CREB3L2: variants seen among roughly 807,000 people sequenced by gnomAD.
The protein encoded by CREB3L2 is cyclic AMP-responsive element-binding protein 3-like protein 2.
Under a neutral mutation model 57.2 loss-of-function variants are expected in CREB3L2, and 23 were observed. The ratio of observed to expected loss-of-function variants is 0.40; its 90% CI spans 0.29 to 0.57. The LOEUF is 0.57. Among genes scored for constraint, CREB3L2 ranks in the 20% least tolerant of loss-of-function variants. The pLI, the probability that CREB3L2 is intolerant of heterozygous loss-of-function variation, is 0.42. For missense variants in CREB3L2, 628 were observed against 634.7 expected, an observed-to-expected ratio of 0.99 and a Z score of 0.11; for synonymous variants, 268 against 265.1, an observed-to-expected ratio of 1.01 and a Z score of -0.11.
Position 137,894,821 on chromosome 7 carries a change from A to G in CREB3L2, c.1043+6533T>C, listed in dbSNP as rs573909866. ...TCTAAAGTTGGCTCTTGCTGGGGCAAGGTCCTTGAAGGAGCAAGAGGTATA... is the reference window on the plus strand; with the variant it reads ...TCTAAAGTTGGCTCTTGCTGGGGCAGGGTCCTTGAAGGAGCAAGAGGTATA... On this transcript the variant is annotated intron_variant, in intron 8 of 11. Coordinates refer to ENST00000330387, the MANE Select transcript of CREB3L2 (RefSeq NM_194071.4). Among the ~76,000 whole-genome samples the G allele has an allele frequency of 5.3e-5, 8 of 152,338 alleles. No individual in the cohort carries two copies. The South Asian group carries it at 1.7e-3, about 32-fold the overall frequency.
chr7:138,001,500 T>A lies in CREB3L2; in HGVS notation c.102+104A>T. The A allele has an allele frequency of 1.3e-6, 1 of 789,916 alleles. No individual in the cohort carries two copies. The highest frequency in any genetic ancestry group is 1.7e-5 in the South Asian group (1 of 58,502). The allele number at this position is 789,916 out of a possible 1,614,324, so 48.9% of individuals were successfully genotyped here. ...GGACCTCTTGATTCTGACCATGCCC[T>A]GCCCCAAACCCTGCCTTCCCGGGTC... On this transcript the variant is annotated intron_variant, in intron 1 of 11. Coordinates refer to ENST00000330387, the MANE Select transcript of CREB3L2 (RefSeq NM_194071.4). This position sits in a 1 kb window ranked among gnomAD's most constrained non-coding sequence, Gnocchi z 4.2.
At chr7:137,929,729 T>C (rs1180726056) in intron 1 of CREB3L2, among the ~76,000 whole-genome samples, 9 of 146,768 alleles carry the variant, frequency 6.1e-5, no homozygotes, top group Admixed American at 1.4e-4. Context: ...ATTAGCTGGG[T>C]GTGGTGGCAG....
rs368383075 is a variant in CREB3L2 at position 137,934,061 on chromosome 7, G to A, written c.103-5695C>T. 4.6e-5 allele frequency among the ~76,000 whole-genome samples: 7 copies of A among 152,314 alleles called. No individual in the cohort carries two copies. In the East Asian group the frequency reaches 9.6e-4, roughly 21 times the overall value. ...GGGATTTTAGTTTAATTCCTTCAAAGGCAATGGCATAATAACATTTTAGCA... is the reference window on the plus strand; with the variant it reads ...GGGATTTTAGTTTAATTCCTTCAAAAGCAATGGCATAATAACATTTTAGCA... On this transcript the variant is annotated intron_variant, in intron 1 of 11. Transcript: ENST00000330387.
In CREB3L2 at chr7:137,880,499, T is replaced by C. The variant is rs748709574; in HGVS notation, c.1540A>G (p.Arg514Gly). ...CTTTAGAAAGTGGTGTTCACTCTTC[T>C]GTCGAGTTCTACAACTTTTAGTGTT... ...NETLKVVELDRRVNTTF is the reference protein window; with the variant it reads ...NETLKVVELDGRVNTTF The change falls in exon 12 of 12, where the codon AGA becomes GGA. Residue 514 changes from arginine (R) to glycine (G), a missense_variant. Physicochemically the swap from Arg to Gly is moderately radical, Grantham distance 125. Transcript: ENST00000330387. The surrounding 1 kb of genome is among the most constrained non-coding windows in gnomAD (Gnocchi z 4.0). The C allele has an allele frequency of 1.2e-6, 2 of 1,613,702 alleles. No individual in the cohort carries two copies. Among genetic ancestry groups the C allele is most frequent in the Non-Finnish European group, 1.7e-6 (2 of 1,179,834 alleles).
At chr7:137,992,437 T>A (rs901989442) in intron 1 of CREB3L2, among the ~76,000 whole-genome samples, 1 of 152,042 alleles carries the variant, frequency 6.6e-6, no homozygotes, top group Non-Finnish European at 1.5e-5. Flanking sequence ...CTGAGATAAA[T>A]GGGTGCAGCG....
At position 137,877,944 on chromosome 7, in the gene CREB3L2, T is replaced by A. The variant is rs1799195073; in HGVS notation, c.*2532A>T. ...TCCTCCTAAAGGGACAACTGTTAGT[T>A]CCTTTAACCCACTCAAGCAAGGAGT... On this transcript the variant is annotated 3_prime_UTR_variant, in exon 12 of 12. Transcript: ENST00000330387. 2 of 227,884 alleles carry A rather than the reference T, an allele frequency of 8.8e-6. No homozygotes were observed. Among genetic ancestry groups the A allele is most frequent in the Non-Finnish European group, 1.7e-5 (2 of 114,906 alleles). The allele number at this position is 227,884 out of a possible 1,614,324, so 14.1% of individuals were successfully genotyped here. A position where few individuals can be genotyped will look rare whatever the true frequency, so the allele number is the denominator to read the frequency against.
intron 1 of CREB3L2, among the ~76,000 whole-genome samples, chr7:137,985,715 G>T (rs1344394910): frequency 6.6e-6 from 1 of 152,136 alleles, no homozygotes; most frequent in Non-Finnish European, 1.5e-5. Context: ...AACTTAAAGA[G>T]TGCTAACACC....
chr7:137,889,333 C>T (rs1320368204), intron 8 of CREB3L2, among the ~76,000 whole-genome samples: 1 of 152,168 alleles, frequency 6.6e-6, no homozygotes, highest in East Asian at 1.9e-4. Context: ...GGAAGAAGGA[C>T]CCTTCAAGAA....
At chr7:137,931,716 G>A (rs1196930752) in intron 1 of CREB3L2, among the ~76,000 whole-genome samples, 1 of 150,180 alleles carries the variant, frequency 6.7e-6, no homozygotes, top group Non-Finnish European at 1.5e-5. Context: ...CCTATAGTCC[G>A]AGCTACTCAG....
intron 11 of CREB3L2, among the ~76,000 whole-genome samples, chr7:137,882,132 G>T (rs948309207): frequency 1.1e-4 from 17 of 152,192 alleles, no homozygotes; most frequent in Non-Finnish European, 2.2e-4. Flanking sequence ...TGGAGACAGT[G>T]GGGGAAGGGA....
chr7:137,915,022 C>T (rs1481188047), intron 3 of CREB3L2, among the ~76,000 whole-genome samples: 2 of 152,098 alleles, frequency 1.3e-5, no homozygotes, highest in East Asian at 1.9e-4. Context: ...CCACCGTGCC[C>T]GGCTGCAGAT....
At chr7:137,943,171 C>T in intron 1 of CREB3L2, among the ~76,000 whole-genome samples, 1 of 152,152 alleles carries the variant, frequency 6.6e-6, no homozygotes, top group East Asian at 1.9e-4. Flanking sequence ...TGGGACCAGG[C>T]AGTCTCCCAG....
chr7:137,947,018 A>ATATATATAGTTATATATATAGT (rs1801009418), intron 1 of CREB3L2, among the ~76,000 whole-genome samples: 1 of 136,556 alleles, frequency 7.3e-6, no homozygotes, highest in African/African-American at 3.0e-5. Flanking sequence ...ATATAGTTAT[A>ATATATATAGTTATATATATAGT]TATATATATA....
rs148837747 is a variant in CREB3L2 at position 137,894,601 on chromosome 7, T to G, written c.1043+6753A>C. 6.4e-4 allele frequency among the ~76,000 whole-genome samples: 97 copies of G among 152,226 alleles called. No homozygotes were observed. The East Asian group carries it at 0.017, about 26-fold the overall frequency. On this transcript the variant is annotated intron_variant, in intron 8 of 11. Coordinates refer to ENST00000330387, the MANE Select transcript of CREB3L2 (RefSeq NM_194071.4). ...GTCCACATAGGCCCTGGAAATGAGC[T>G]AAGACCTTTGGACAGGGAATTCCAG...
At chr7:137,897,217 T>C (rs1342284719) in intron 8 of CREB3L2, among the ~76,000 whole-genome samples, 3 of 152,200 alleles carry the variant, frequency 2.0e-5, no homozygotes, top group African/African-American at 4.8e-5. Flanking sequence ...TGTAAAAATA[T>C]GCAATTTTGT....
chr7:137,951,806 G>C (rs1363870295), intron 1 of CREB3L2, among the ~76,000 whole-genome samples: 2 of 152,122 alleles, frequency 1.3e-5, no homozygotes, highest in Non-Finnish European at 2.9e-5. Flanking sequence ...GGGCAACATA[G>C]GGAGACTCTG....
intron 8 of CREB3L2, among the ~76,000 whole-genome samples, chr7:137,889,196 CT>C (rs1211097855): frequency 6.6e-6 from 1 of 152,152 alleles, no homozygotes; most frequent in Non-Finnish European, 1.5e-5. Context: ...TCCTAGGAGG[CT>C]CCCCAGTGCC....
chr7:137,901,444 G>A (rs753276011), intron 7 of CREB3L2, 22 bp from the exon 8 acceptor site: 2 of 1,528,906 alleles, frequency 1.3e-6, no homozygotes, highest in Non-Finnish European at 1.8e-6. Flanking sequence ...GGAGAAAGAA[G>A]AAAATTATTA....
intron 8 of CREB3L2, among the ~76,000 whole-genome samples, chr7:137,889,148 C>G (rs1056698018): frequency 6.6e-6 from 1 of 152,176 alleles, no homozygotes; most frequent in Non-Finnish European, 1.5e-5. Context: ...TGGTTGATAT[C>G]TCTGGGCCCT....
Sources: gnomAD v4.1 joint callset for allele counts (sites outside exome capture counted in the v4.1 genomes callset) on GRCh38, gnomAD v4.1.1 for gene constraint, Gnocchi (gnomAD v3.1) non-coding constraint, MANE v1.5 for transcripts, NCBI Gene and HGNC (gene_info 2026-07-23, HGNC 2026-07-21) for gene names.